Variants in ANXA4 observed in about 807,000 individuals in gnomAD.
The protein encoded by ANXA4 is annexin A4.
In ANXA4, 39 loss-of-function variants were observed where a neutral mutation model predicts 49.8. That is an observed-to-expected ratio of 0.78 (90% CI 0.61 to 1.02). ANXA4 has a LOEUF of 1.02. Ranked by LOEUF, ANXA4 falls within the 50% of genes least tolerant of loss-of-function variation. The pLI, the probability that ANXA4 is intolerant of heterozygous loss-of-function variation, is 0.00. For synonymous variants in ANXA4, 134 were observed against 152.5 expected, an observed-to-expected ratio of 0.88 and a Z score of 0.89; for missense variants, 360 against 410.1, an observed-to-expected ratio of 0.88 and a Z score of 1.05.
intron 2 of ANXA4, among the ~76,000 whole-genome samples, chr2:69,656,845 T>C (rs771718861): frequency 2.0e-5 from 3 of 151,996 alleles, no homozygotes; most frequent in African/African-American, 4.8e-5. Context: ...CCACTGGGCC[T>C]GCTCATTAGT....
upstream of ANXA4, among the ~76,000 whole-genome samples, chr2:69,644,173 C>G (rs866183803): frequency 0.026 from 1,506 of 57,528 alleles, 367 homozygotes; most frequent in African/African-American, 0.074. Flanking sequence ...GTTCCCCCCC[C>G]CCCCCCCCCG....
At chr2:69,773,866 G>A (rs190122083) in intron 1 of ANXA4, among the ~76,000 whole-genome samples, 294 of 151,594 alleles carry the variant, frequency 1.9e-3, no homozygotes, top group African/African-American at 6.5e-3. Context: ...TCCTGACCTC[G>A]TGATTCGCCT....
In ANXA4 at chr2:69,826,684, T is replaced by C. The variant is rs11900749; in HGVS notation, c.*1169T>C. ...CCTGTAATCCCAGCCACTCGGAGGC[T>C]GAGTCAGGGAGAACTGCTTGAACCC... On this transcript the variant is annotated 3_prime_UTR_variant, in exon 13 of 13. Coordinates refer to ENST00000394295, the MANE Select transcript of ANXA4 (RefSeq NM_001153.5). The C allele has an allele frequency of 0.22, 33,313 of 150,790 alleles. 3,957 individuals carry two copies. Among genetic ancestry groups the C allele is most frequent in the African/African-American group, 0.31 (12,525 of 40,984 alleles). The allele number at this position is 150,790 out of a possible 1,614,324, so 9.3% of individuals were successfully genotyped here.
At chr2:69,701,683 C>T (rs776933621) in intron 2 of ANXA4, among the ~76,000 whole-genome samples, 6 of 152,212 alleles carry the variant, frequency 3.9e-5, no homozygotes, top group Admixed American at 6.5e-5. Context: ...ACATTTCCCC[C>T]ACCCTCACCA....
chr2:69,732,407 T>C (rs574978200), intron 3 of ANXA4, among the ~76,000 whole-genome samples: 1 of 152,090 alleles, frequency 6.6e-6, no homozygotes, highest in Non-Finnish European at 1.5e-5. Context: ...TATCTAGAAG[T>C]GATATAAACT....
intron 3 of ANXA4, among the ~76,000 whole-genome samples, chr2:69,799,100 C>A (rs1320104103): frequency 1.3e-5 from 2 of 152,172 alleles, no homozygotes; most frequent in East Asian, 1.9e-4. Context: ...GGTTTAGCTG[C>A]GACCAAGTGT....
At chr2:69,793,981 C>T (rs977801047) in intron 3 of ANXA4, among the ~76,000 whole-genome samples, 5 of 152,208 alleles carry the variant, frequency 3.3e-5, no homozygotes, top group Non-Finnish European at 5.9e-5. Flanking sequence ...GCTGAATGCT[C>T]TTTAAGAAAA....
At chr2:69,694,006 G>A (rs7567406) in intron 2 of ANXA4, among the ~76,000 whole-genome samples, 4,497 of 152,086 alleles carry the variant, frequency 0.03, 225 homozygotes, top group African/African-American at 0.1. Flanking sequence ...ACCAGGTTAC[G>A]CATGGTTTAT....
At chr2:69,811,992 C>T (rs1573305683) in intron 7 of ANXA4, among the ~76,000 whole-genome samples, 1 of 152,116 alleles carries the variant, frequency 6.6e-6, no homozygotes, top group East Asian at 1.9e-4. Flanking sequence ...TAGCATTCTT[C>T]AGAGGCTTCC....
intron 9 of ANXA4, chr2:69,817,175 T>C (rs1030834995): frequency 1.3e-5 from 2 of 152,232 alleles, no homozygotes; most frequent in African/African-American, 2.4e-5. Context: ...GAAGCCGATT[T>C]AGTGCATAAA....
At chr2:69,724,868 G>T (rs904402930) in intron 3 of ANXA4, among the ~76,000 whole-genome samples, 2 of 94,560 alleles carry the variant, frequency 2.1e-5, no homozygotes, top group Admixed American at 1.1e-4. Flanking sequence ...ACTTTCCTGA[G>T]GATGGAATTT....
At chr2:69,757,495 G>A (rs1309509460) in intron 1 of ANXA4, among the ~76,000 whole-genome samples, 3 of 141,822 alleles carry the variant, frequency 2.1e-5, no homozygotes, top group South Asian at 2.3e-4. Context: ...AGATGGTCTC[G>A]ATCTCCTGAC....
chr2:69,731,716 G>T (rs1171415848), intron 3 of ANXA4, among the ~76,000 whole-genome samples: 1 of 152,120 alleles, frequency 6.6e-6, no homozygotes, highest in Non-Finnish European at 1.5e-5. Context: ...CTGAGTAAAG[G>T]GTGGGGTAGG....
chr2:69,660,422 C>T (rs193100065), intron 2 of ANXA4, among the ~76,000 whole-genome samples: 11 of 151,934 alleles, frequency 7.2e-5, no homozygotes, highest in Non-Finnish European at 1.3e-4. Flanking sequence ...AGAAAAACAG[C>T]GTAAAACACA....
At chr2:69,716,518 G>T (rs991764514) in intron 2 of ANXA4, among the ~76,000 whole-genome samples, 4 of 152,266 alleles carry the variant, frequency 2.6e-5, no homozygotes, top group African/African-American at 7.2e-5. Flanking sequence ...GCCACATCAG[G>T]GAAGGCCTTG....
intron 1 of ANXA4, among the ~76,000 whole-genome samples, chr2:69,753,949 G>A (rs1573197229): frequency 1.3e-5 from 2 of 152,316 alleles, no homozygotes; most frequent in South Asian, 4.1e-4. Context: ...AAATCTGGAG[G>A]GCAGAACAGG....
At chr2:69,734,578 T>C (rs1448448057) in intron 3 of ANXA4, among the ~76,000 whole-genome samples, 1 of 152,164 alleles carries the variant, frequency 6.6e-6, no homozygotes, top group African/African-American at 2.4e-5. Context: ...GATGCCCAGA[T>C]GTCTGTGGTC....
Position 69,806,508 on chromosome 2 carries a change from CT to C in ANXA4, c.306+12del. ...GCGAAGGGCCATGAAGGTCTGTGCT[CT>C]TCCTCTCGTGCTCTTGGTGCTGTTG... On this transcript the variant is annotated intron_variant, in intron 5 of 12. Transcript: ENST00000394295. 1 of 1,606,994 alleles carries C rather than the reference CT, an allele frequency of 6.2e-7. No homozygotes were observed. The highest frequency in any genetic ancestry group is 8.5e-7 in the Non-Finnish European group (1 of 1,173,522).
intron 2 of ANXA4, among the ~76,000 whole-genome samples, chr2:69,786,013 A>T (rs1022510188): frequency 3.3e-5 from 5 of 152,168 alleles, no homozygotes; most frequent in African/African-American, 1.2e-4. Flanking sequence ...TCCCGACTTT[A>T]TTATACTGGA....
Sources: allele counts gnomAD v4.1 joint callset (sites outside exome capture counted in the v4.1 genomes callset), GRCh38; gene constraint gnomAD v4.1.1; transcripts MANE v1.5; gene names NCBI Gene and HGNC (gene_info 2026-07-23, HGNC 2026-07-21).